Variants in PTPN14 observed in about 807,000 individuals in gnomAD.
PTPN14 encodes the protein tyrosine-protein phosphatase non-receptor type 14.
Under a neutral mutation model 126.8 loss-of-function variants are expected in PTPN14, and 53 were observed. The ratio of observed to expected loss-of-function variants is 0.42; its 90% CI spans 0.34 to 0.53. PTPN14 has a LOEUF of 0.53. Ranked by LOEUF, PTPN14 falls within the 20% of genes least tolerant of loss-of-function variation. The pLI is 0.08. For missense variants in PTPN14, 1,257 were observed against 1,552.9 expected, an observed-to-expected ratio of 0.81 and a Z score of 3.20; for synonymous variants, 630 against 599.3, an observed-to-expected ratio of 1.05 and a Z score of -0.75.
intron 9 of PTPN14, 53 bp from the exon 10 acceptor site, chr1:214,393,830 C>T: frequency 2.1e-6 from 3 of 1,396,466 alleles, no homozygotes; most frequent in South Asian, 1.2e-5. Context: ...ATTAGTTATA[C>T]ATTTCATTAA....
At chr1:214,467,500 A>G (rs528787820) in intron 1 of PTPN14, among the ~76,000 whole-genome samples, 2 of 152,232 alleles carry the variant, frequency 1.3e-5, no homozygotes, top group African/African-American at 2.4e-5. Flanking sequence ...ATCATTTGCA[A>G]TGCATAACTA....
At chr1:214,433,777 T>G (rs1463839102) in intron 3 of PTPN14, among the ~76,000 whole-genome samples, 2 of 151,976 alleles carry the variant, frequency 1.3e-5, no homozygotes, top group Non-Finnish European at 2.9e-5. Flanking sequence ...GGTACAAAGT[T>G]AGGCCACATC....
chr1:214,355,335 T>G lies in PTPN14; in HGVS notation c.*2587A>C, dbSNP rs987938521. On this transcript the variant is annotated 3_prime_UTR_variant, in exon 19 of 19. Transcript: ENST00000366956. ...ATTCTAACAGTGCCCACCTTGGGGC[T>G]TAGAGATAAAAGATAAATACTGATG... The G allele has an allele frequency of 1.3e-5, 2 of 152,134 alleles. No individual in the cohort carries two copies. The highest frequency in any genetic ancestry group is 2.9e-5 in the Non-Finnish European group (2 of 68,026). 9.4% of individuals were successfully genotyped at this position (152,134 alleles called of 1,614,324 possible). A position where few individuals can be genotyped will look rare whatever the true frequency, so the allele number is the denominator to read the frequency against.
intron 1 of PTPN14, among the ~76,000 whole-genome samples, chr1:214,470,661 G>A (rs61819620): frequency 0.091 from 13,746 of 151,346 alleles, 637 homozygotes; most frequent in South Asian, 0.12. Flanking sequence ...GCAGATGCCC[G>A]TAATCCCAGC....
chr1:214,425,548 G>A (rs946179159), intron 3 of PTPN14, among the ~76,000 whole-genome samples: 3 of 152,172 alleles, frequency 2.0e-5, no homozygotes, highest in East Asian at 1.9e-4. Context: ...CCAACAGACC[G>A]CCTTACTATG....
rs918419475 is a variant in PTPN14, at chr1:214,353,429, A to G, written c.*4493T>C. 5.9e-5 allele frequency: 9 copies of G among 152,290 alleles called. No homozygotes were observed. Among genetic ancestry groups the G allele is most frequent in the East Asian group, 1.9e-4 (1 of 5,176 alleles). 9.4% of individuals were successfully genotyped at this position (152,290 alleles called of 1,614,324 possible). A position where few individuals can be genotyped will look rare whatever the true frequency, so the allele number is the denominator to read the frequency against. ...TCCCCTCTTCCCCAAATATTTTTCA[A>G]TCTGTACTTGGTTGAATATAGGGAT... On this transcript the variant is annotated 3_prime_UTR_variant, in exon 19 of 19. Coordinates refer to ENST00000366956, the MANE Select transcript of PTPN14 (RefSeq NM_005401.5).
chr1:214,458,038 TAG>T (rs1335195820), intron 2 of PTPN14, among the ~76,000 whole-genome samples: 30 of 145,656 alleles, frequency 2.1e-4, no homozygotes, highest in Non-Finnish European at 2.3e-4. Context: ...TATCTATACC[TAG>T]AGAGAGAGAG....
At chr1:214,501,467 C>T (rs1436326351) in intron 1 of PTPN14, among the ~76,000 whole-genome samples, 1 of 152,032 alleles carries the variant, frequency 6.6e-6, no homozygotes, top group Non-Finnish European at 1.5e-5. Flanking sequence ...GTCTTGAACT[C>T]CTGACCTCAA....
chr1:214,542,942 A>G (rs1215198831), intron 1 of PTPN14, among the ~76,000 whole-genome samples: 2 of 152,308 alleles, frequency 1.3e-5, no homozygotes, highest in Non-Finnish European at 1.5e-5. Context: ...AGGAGCTAAA[A>G]TAACGGTGAG....
chr1:214,548,570 T>C (rs376393824), intron 1 of PTPN14, among the ~76,000 whole-genome samples: 9 of 152,242 alleles, frequency 5.9e-5, no homozygotes, highest in African/African-American at 2.2e-4. Context: ...AAACACAGCA[T>C]TTGGTGACTA....
chr1:214,362,690 T>C (rs1394938057), intron 18 of PTPN14, among the ~76,000 whole-genome samples: 2 of 151,842 alleles, frequency 1.3e-5, no homozygotes, highest in East Asian at 3.9e-4. Flanking sequence ...AAAGGGGAAG[T>C]AGGGAGCGGA....
chr1:214,450,062 G>A (rs1307475776), intron 3 of PTPN14, among the ~76,000 whole-genome samples: 1 of 151,884 alleles, frequency 6.6e-6, no homozygotes, highest in African/African-American at 2.4e-5. Context: ...GAGCCCAGGA[G>A]TTTGTGGCTG....
chr1:214,468,572 G>A (rs1382843048), intron 1 of PTPN14, among the ~76,000 whole-genome samples: 3 of 151,872 alleles, frequency 2.0e-5, no homozygotes, highest in African/African-American at 4.8e-5. Flanking sequence ...AAAAAGAAAA[G>A]AAAAGAAAAA....
chr1:214,513,332 C>T (rs534741726), intron 1 of PTPN14, among the ~76,000 whole-genome samples: 1 of 152,264 alleles, frequency 6.6e-6, no homozygotes, highest in South Asian at 2.1e-4. Context: ...ATTTAAGACC[C>T]CGCTTACAAT....
chr1:214,519,029 G>A (rs1655177722), intron 1 of PTPN14, among the ~76,000 whole-genome samples: 1 of 152,142 alleles, frequency 6.6e-6, no homozygotes, highest in Non-Finnish European at 1.5e-5. Context: ...AGCACTTTGG[G>A]AGTCCAAGGC....
intron 17 of PTPN14, among the ~76,000 whole-genome samples, chr1:214,367,617 A>T (rs1206211434): frequency 1.3e-5 from 2 of 152,202 alleles, no homozygotes; most frequent in African/African-American, 4.8e-5. Context: ...CACTAGCTGG[A>T]GAGTCAACAA....
intron 5 of PTPN14, among the ~76,000 whole-genome samples, chr1:214,407,440 G>A (rs1659196871): frequency 6.6e-6 from 1 of 151,462 alleles, no homozygotes; most frequent in African/African-American, 2.4e-5. Flanking sequence ...AGGTTGTAGT[G>A]AGCTGAGATG....
At chr1:214,435,514 A>G (rs1435554597) in intron 3 of PTPN14, among the ~76,000 whole-genome samples, 1 of 152,158 alleles carries the variant, frequency 6.6e-6, no homozygotes, top group African/African-American at 2.4e-5. Context: ...AAAAGTATTC[A>G]GTGAACTGGG....
intron 1 of PTPN14, among the ~76,000 whole-genome samples, chr1:214,537,853 T>C (rs1655744240): frequency 6.6e-6 from 1 of 152,234 alleles, no homozygotes; most frequent in Non-Finnish European, 1.5e-5. Flanking sequence ...TAATTGTTGA[T>C]TCCCTTGTAG....
Sources: gnomAD v4.1 joint callset for allele counts (sites outside exome capture counted in the v4.1 genomes callset) on GRCh38, gnomAD v4.1.1 for gene constraint, MANE v1.5 for transcripts, NCBI Gene and HGNC (gene_info 2026-07-23, HGNC 2026-07-21) for gene names.